The following TMPRSS9 variants were observed in gnomAD, a reference collection of about 807,000 sequenced individuals.
TMPRSS9 encodes transmembrane protease serine 9.
A neutral mutation model predicts 111.4 loss-of-function variants in TMPRSS9; 113 were observed. The ratio of observed to expected loss-of-function variants is 1.01; its 90% CI spans 0.87 to 1.19. TMPRSS9 has a LOEUF of 1.19. Among genes scored for constraint, TMPRSS9 ranks in the 50% most tolerant of loss-of-function variants. The pLI is 0.00. For synonymous variants in TMPRSS9, 805 were observed against 659.1 expected, an observed-to-expected ratio of 1.22 and a Z score of -3.39; for missense variants, 1,803 against 1,513.1, an observed-to-expected ratio of 1.19 and a Z score of -3.18.
intron 17 of TMPRSS9, 91 bp from the exon 19 acceptor site, chr19:2,425,836 C>A: frequency 1.4e-6 from 2 of 1,462,494 alleles, no homozygotes; most frequent in Non-Finnish European, 1.8e-6. Flanking sequence ...CAGGGGAAGT[C>A]ACTAGGGTCA....
intron 14 of TMPRSS9, among the ~76,000 whole-genome samples, chr19:2,422,471 C>T (rs746149123): frequency 2.0e-5 from 3 of 152,192 alleles, no homozygotes; most frequent in South Asian, 2.1e-4. Context: ...GTCCCAACTA[C>T]GCGGGAGGCT....
intron 1 of TMPRSS9, among the ~76,000 whole-genome samples, chr19:2,380,598 CA>C (rs112276283): frequency 0.066 from 7,260 of 110,816 alleles, 700 homozygotes; most frequent in African/African-American, 0.23. Flanking sequence ...AAGACTCCAC[CA>C]AAAAAAAAAA....
chr19:2,381,338 T>C (rs1970383123), intron 1 of TMPRSS9, among the ~76,000 whole-genome samples: 2 of 151,554 alleles, frequency 1.3e-5, no homozygotes, highest in African/African-American at 4.9e-5. Context: ...CAGCTGGGGT[T>C]GAATGAACAC....
At position 2,424,992 on chromosome 19, in the gene TMPRSS9, C is replaced by T. The variant is rs772800954; in HGVS notation, c.2718-10C>T. 9 of 1,509,252 alleles carry T rather than the reference C, an allele frequency of 6.0e-6. No homozygotes were observed. Among genetic ancestry groups the T allele is most frequent in the South Asian group, 1.2e-5 (1 of 81,958 alleles). 93.5% of individuals were successfully genotyped at this position (1,509,252 alleles called of 1,614,324 possible). On this transcript the variant is annotated splice_polypyrimidine_tract_variant and intron_variant, in intron 15 of 17. Transcript: ENST00000648592. ...GCTCGGGCCGACGCCTGTCCTCGCG[C>T]GCCCCGCAGCTACGGGGACCCCAAG...
At chr19:2,375,654 G>A (rs1422450719) in intron 1 of TMPRSS9, among the ~76,000 whole-genome samples, 2 of 152,124 alleles carry the variant, frequency 1.3e-5, no homozygotes, top group African/African-American at 4.8e-5. Context: ...GTTCAGTATG[G>A]ACCAATCATC....
intron 2 of TMPRSS9, among the ~76,000 whole-genome samples, chr19:2,397,081 C>A (rs748517524): frequency 6.6e-6 from 1 of 151,332 alleles, no homozygotes. Flanking sequence ...CCACCACGTC[C>A]AGCTGATTTT....
In TMPRSS9 at chr19:2,424,113, T is replaced by C. The variant is rs1395750761; in HGVS notation, c.2573T>C (p.Leu858Pro). ...GACTGTGGCCTGGCGCCGGCCGCGC[T>C]CACCAGGATTGTGGGCGGCAGCGCA... Residue 858 changes from leucine (L) to proline (P), a missense_variant, in exon 15 of 18, where the codon CTC (leucine) becomes CCC (proline). Coordinates refer to ENST00000648592, the Ensembl canonical transcript of TMPRSS9. 1.5e-6 allele frequency: 2 copies of C among 1,340,296 alleles called. No individual in the cohort carries two copies. The highest frequency in any genetic ancestry group is 3.5e-5 in the Admixed American group (1 of 28,192). 83.0% of individuals were successfully genotyped at this position (1,340,296 alleles called of 1,614,324 possible).
exon 12 of TMPRSS9, chr19:2,416,643 C>T: frequency 6.2e-7 from 1 of 1,613,026 alleles, no homozygotes; most frequent in Non-Finnish European, 8.5e-7. Flanking sequence ...TGCACCCCCT[C>T]TACAACCCTG....
At chr19:2,421,823 G>A in intron 13 of TMPRSS9, 31 bp from the exon 15 acceptor site, 2 of 1,558,880 alleles carry the variant, frequency 1.3e-6, no homozygotes, top group Admixed American at 1.9e-5. Flanking sequence ...GTCCCTGGAG[G>A]ACCAACCAGT....
At chr19:2,399,950 G>A (rs920357691) in intron 4 of TMPRSS9, among the ~76,000 whole-genome samples, 3 of 152,070 alleles carry the variant, frequency 2.0e-5, no homozygotes, top group African/African-American at 7.2e-5. Context: ...GGCTGGTCTT[G>A]GACTCCTGAC....
chr19:2,371,588 C>T (rs1418423633), intron 1 of TMPRSS9, among the ~76,000 whole-genome samples: 6 of 151,944 alleles, frequency 3.9e-5, no homozygotes, highest in African/African-American at 9.7e-5. Context: ...TCTCCGCTAC[C>T]TGGGAGGCTG....
chr19:2,399,300 C>T (rs530473222), intron 4 of TMPRSS9, 107 bp downstream of exon 5: 105 of 1,397,740 alleles, frequency 7.5e-5, no homozygotes, highest in Admixed American at 3.1e-4. Context: ...AGAAAACAAA[C>T]TGGCCGGGTG....
At chr19:2,407,875 C>T (rs1366656990) in intron 7 of TMPRSS9, among the ~76,000 whole-genome samples, 2 of 151,978 alleles carry the variant, frequency 1.3e-5, no homozygotes, top group Admixed American at 1.3e-4. Flanking sequence ...ACCTCCACCT[C>T]CCGGGTTCAA....
At chr19:2,398,725 A>G (rs1970761178) in intron 2 of TMPRSS9, 70 bp from the exon 4 acceptor site, 1 of 1,137,698 alleles carries the variant, frequency 8.8e-7, no homozygotes, top group Non-Finnish European at 1.2e-6. Context: ...CCAACACCTG[A>G]CAGGCCTCTG....
At chr19:2,395,261 T>C (rs1201831613) in intron 1 of TMPRSS9, among the ~76,000 whole-genome samples, 1 of 150,424 alleles carries the variant, frequency 6.6e-6, no homozygotes, top group Non-Finnish European at 1.5e-5. Flanking sequence ...GTACTAAAAA[T>C]ACAAAAAAAC....
chr19:2,380,328 G>A (rs1414885476), intron 1 of TMPRSS9, among the ~76,000 whole-genome samples: 3 of 151,744 alleles, frequency 2.0e-5, no homozygotes, highest in Admixed American at 6.6e-5. Context: ...AGGTACAGTG[G>A]CTCATGCCTG....
At chr19:2,363,555 G>A (rs549409922) in intron 1 of TMPRSS9, among the ~76,000 whole-genome samples, 88 of 151,946 alleles carry the variant, frequency 5.8e-4, no homozygotes, top group Non-Finnish European at 1.1e-3. Flanking sequence ...GTGAGGTCGC[G>A]TGATTCCCCG....
At chr19:2,424,959 G>C (rs1295087097) in intron 15 of TMPRSS9, 43 bp from the exon 17 acceptor site, 8 of 1,426,814 alleles carry the variant, frequency 5.6e-6, no homozygotes, top group Non-Finnish European at 7.3e-6. Flanking sequence ...GGGGCCGGGG[G>C]CGTGGGGGCT....
intron 15 of TMPRSS9, among the ~76,000 whole-genome samples, chr19:2,424,603 C>T (rs1430738293): frequency 3.9e-5 from 6 of 151,902 alleles, no homozygotes; most frequent in African/African-American, 1.2e-4. Context: ...AGCCCTCGCC[C>T]CTGGGACTTG....
Sources: gnomAD v4.1 joint callset for allele counts (sites outside exome capture counted in the v4.1 genomes callset) on GRCh38, gnomAD v4.1.1 for gene constraint, MANE v1.5 for transcripts, NCBI Gene and HGNC (gene_info 2026-07-23, HGNC 2026-07-21) for gene names.